COPG1: variants seen among roughly 807,000 people sequenced by gnomAD.
COPG1 encodes coat protein complex I subunit gamma 1, also known as coatomer subunit gamma-1.
Under a neutral mutation model 102.8 loss-of-function variants are expected in COPG1, and 29 were observed. The observed-to-expected ratio is 0.28, with a 90% CI of 0.21 to 0.38. The LOEUF is 0.38. Ranked by LOEUF, COPG1 falls within the 10% of genes least tolerant of loss-of-function variation. The pLI is 1.00. For missense variants in COPG1, 875 were observed against 1,132.7 expected (o/e 0.77, Z 3.27); for synonymous variants, 406 against 421.6 (o/e 0.96, Z 0.45).
intron 2 of COPG1, among the ~76,000 whole-genome samples, chr3:129,251,487 A>G (rs1350224317): frequency 6.6e-6 from 1 of 150,954 alleles, no homozygotes; most frequent in Non-Finnish European, 1.5e-5. Flanking sequence ...GGTTCAAGCA[A>G]TTTTTCTGTC....
chr3:129,253,017 T>C, intron 5 of COPG1, 62 bp downstream of exon 5: 1 of 1,432,808 alleles, frequency 7.0e-7, no homozygotes, highest in Non-Finnish European at 9.8e-7. Context: ...ATTTTTTTCT[T>C]GTGTGTACCA....
In COPG1 at chr3:129,271,069, A is replaced by G. The variant is rs1576969521; in HGVS notation, c.1844-698A>G. ...GCCATAGAATAGGTACAAGAGTGGC[A>G]GCTGTAGCCATTATAGGTGGACACC... On this transcript the variant is annotated intron_variant, in intron 18 of 23. Coordinates refer to ENST00000314797, the MANE Select transcript of COPG1 (RefSeq NM_016128.4). This position sits in a 1 kb window ranked among gnomAD's most constrained non-coding sequence, Gnocchi z 4.7. 6.6e-6 allele frequency among the ~76,000 whole-genome samples: 1 copy of G among 152,226 alleles called. No individual in the cohort carries two copies. The highest frequency in any genetic ancestry group is 1.5e-5 in the Non-Finnish European group (1 of 68,032).
At chr3:129,249,980 C>CG (rs1295306325) in intron 1 of COPG1, among the ~76,000 whole-genome samples, 3 of 149,068 alleles carry the variant, frequency 2.0e-5, no homozygotes, top group South Asian at 2.1e-4. Flanking sequence ...AACACCCCCC[C>CG]CCCCAGGCCT....
rs115925011 is a variant in COPG1 at position 129,266,932 on chromosome 3, T to A, written c.1469-92T>A. 3.9e-3 allele frequency: 4,267 copies of A among 1,107,144 alleles called. 113 individuals carry two copies. In the African/African-American group the frequency reaches 0.057, roughly 15 times the overall value. 68.6% of individuals were successfully genotyped at this position (1,107,144 alleles called of 1,614,324 possible). On this transcript the variant is annotated intron_variant, in intron 14 of 23. Coordinates refer to ENST00000314797, the MANE Select transcript of COPG1 (RefSeq NM_016128.4). ...TGAGACTTCTTGCCTCTGGGGCTCT[T>A]CTGCCTGAAGACCCATTCTGAGTGC...
intron 17 of COPG1, 114 bp downstream of exon 17, chr3:129,268,734 G>C (rs1167303225): frequency 7.6e-7 from 1 of 1,323,676 alleles, no homozygotes; most frequent in Non-Finnish European, 1.1e-6. Context: ...GCTGGGAGGA[G>C]GAAATGATCT....
Position 129,272,249 on chromosome 3 carries a change from C to G in COPG1, c.1992C>G (p.Asp664Glu), listed in dbSNP as rs1425127502. The G allele has an allele frequency of 6.2e-7, 1 of 1,613,718 alleles. No individual in the cohort carries two copies. The highest frequency in any genetic ancestry group is 1.1e-5 in the South Asian group (1 of 91,068). The change falls in exon 20 of 24, where the codon GAC becomes GAG. Residue 664 changes from aspartate (D) to glutamate (E), a missense_variant. Asp to Glu is a conservative substitution (Grantham distance 45). Transcript: ENST00000314797. ...TFTNHMVFQF[D>E]CTNTLNDQTL... ...CCCCTCTCTTTCCTGTTCAGTTTGA[C>G]TGCACAAACACACTCAATGACCAGA...
rs1939780949 is a variant in COPG1 at position 129,255,146 on chromosome 3, T to A, written c.492+69T>A. 5 of 965,750 alleles carry A rather than the reference T, an allele frequency of 5.2e-6. No individual in the cohort carries two copies. The East Asian group carries it at 7.2e-5, about 14-fold the overall frequency. 59.8% of individuals were successfully genotyped at this position (965,750 alleles called of 1,614,324 possible). On this transcript the variant is annotated intron_variant, in intron 7 of 23. Transcript: ENST00000314797. ...ATTGAAGAAAATTTAAGAGTCACAT[T>A]CCAGTAGGAAAAAAGAAAGTGTTTC... is the stretch of plus-strand genomic sequence containing the variant.
chr3:129,274,984 C>A lies in COPG1; in HGVS notation c.2395+8C>A. 6.2e-7 allele frequency: 1 copy of A among 1,613,810 alleles called. No homozygotes were observed. On this transcript the variant is annotated splice_region_variant and intron_variant, in intron 22 of 23. Transcript: ENST00000314797. ...CCATCAAGACACTTGAAGGTAAAAT[C>A]CTGGGAATGCCATCTCTGGCCTAAT...
chr3:129,268,696 T>A, intron 17 of COPG1, 76 bp downstream of exon 17: 2 of 1,524,246 alleles, frequency 1.3e-6, no homozygotes, highest in Non-Finnish European at 1.8e-6. Flanking sequence ...GCAAAGCCAC[T>A]AACCTAACTA....
At chr3:129,256,345 G>A (rs552083059) in intron 8 of COPG1, among the ~76,000 whole-genome samples, 191 bp downstream of exon 8, 10 of 152,334 alleles carry the variant, frequency 6.6e-5, no homozygotes, top group African/African-American at 2.2e-4. Context: ...CACTTGGGGC[G>A]CTTGGGTTAC....
chr3:129,249,783 C>A, intron 1 of COPG1, 37 bp downstream of exon 1: 1 of 1,529,116 alleles, frequency 6.5e-7, no homozygotes, highest in Non-Finnish European at 8.8e-7. Flanking sequence ...GGAGGCCGGA[C>A]CCCCACCCGC....
chr3:129,266,984 A>G (rs1480851480), intron 14 of COPG1, 40 bp from the exon 15 acceptor site: 2 of 1,569,822 alleles, frequency 1.3e-6, no homozygotes, highest in Non-Finnish European at 1.8e-6. Flanking sequence ...GTGAGTTGTC[A>G]GGGTGCATTG....
Position 129,271,254 on chromosome 3 carries a change from C to G in COPG1, c.1844-513C>G, listed in dbSNP as rs953123193. On this transcript the variant is annotated intron_variant, in intron 18 of 23. Coordinates refer to ENST00000314797, the MANE Select transcript of COPG1 (RefSeq NM_016128.4). The surrounding 1 kb of genome is among the most constrained non-coding windows in gnomAD (Gnocchi z 4.7). ...AGGGATAGGTCTTACCAGACACAAA[C>G]AATTCTAAGTTAGGTTTTCTGCAAC... Among the ~76,000 whole-genome samples, 3 of 152,162 alleles carry G rather than the reference C, an allele frequency of 2.0e-5. No individual in the cohort carries two copies. The highest frequency in any genetic ancestry group is 4.4e-5 in the Non-Finnish European group (3 of 68,012).
Position 129,252,616 on chromosome 3 carries a change from A to G in COPG1, c.172-7A>G. On this transcript the variant is annotated splice_region_variant and splice_polypyrimidine_tract_variant and intron_variant, in intron 3 of 23. Transcript: ENST00000314797. ...CCAAGCTGAGACTTCTTTCTTGATT[A>G]ACACAGGGGGAGCACCTGGGGACCA... The G allele has an allele frequency of 6.2e-7, 1 of 1,612,956 alleles. No homozygotes were observed. Among genetic ancestry groups the G allele is most frequent in the Non-Finnish European group, 8.5e-7 (1 of 1,178,938 alleles).
chr3:129,261,215 G>A (rs776655432), intron 12 of COPG1, among the ~76,000 whole-genome samples: 5 of 152,190 alleles, frequency 3.3e-5, no homozygotes, highest in South Asian at 2.1e-4. Flanking sequence ...AGGAGTAGAC[G>A]AGATCATCTC....
At chr3:129,252,771 C>T in intron 4 of COPG1, 77 bp downstream of exon 4, 1 of 1,550,280 alleles carries the variant, frequency 6.5e-7, no homozygotes, top group Non-Finnish European at 8.9e-7. Context: ...AGAGCTGGCC[C>T]CACCAGTCAG....
chr3:129,249,751 G>C lies in COPG1; in HGVS notation c.37+5G>C. The C allele has an allele frequency of 6.4e-7, 1 of 1,551,414 alleles. No individual in the cohort carries two copies. The highest frequency in any genetic ancestry group is 8.7e-7 in the Non-Finnish European group (1 of 1,146,882). On this transcript the variant is annotated splice_donor_5th_base_variant and intron_variant, in intron 1 of 23. Transcript: ENST00000314797. Reference sequence around the variant, plus strand: ...ACAAGAAGGATGAGGAGTCAGGTGAGGGGGCCAGGCCTGGGTCTGAGGGAG... The same window carrying C: ...ACAAGAAGGATGAGGAGTCAGGTGACGGGGCCAGGCCTGGGTCTGAGGGAG...
In COPG1 at chr3:129,277,544, A is replaced by T. The variant is rs868717018; in HGVS notation, c.*120A>T. ...CTGTATTGAAAAACAATTAGGAATC[A>T]TTGCAGATTTTTTTTTATTCTGCTC... On this transcript the variant is annotated 3_prime_UTR_variant, in exon 24 of 24. Transcript: ENST00000314797. 2 of 1,083,904 alleles carry T rather than the reference A, an allele frequency of 1.8e-6. No individual in the cohort carries two copies. Among genetic ancestry groups the T allele is most frequent in the Non-Finnish European group, 1.3e-6 (1 of 780,070 alleles). The allele number at this position is 1,083,904 out of a possible 1,614,324, so 67.1% of individuals were successfully genotyped here.
intron 12 of COPG1, among the ~76,000 whole-genome samples, chr3:129,263,035 AG>A (rs1356871204): frequency 0.012 from 1,463 of 124,244 alleles, 66 homozygotes; most frequent in African/African-American, 0.057. Flanking sequence ...AAAAAAAAAA[AG>A]AGTCCTTCTG....
Sources: gnomAD v4.1 joint callset for allele counts (sites outside exome capture counted in the v4.1 genomes callset) on GRCh38, gnomAD v4.1.1 for gene constraint, Gnocchi (gnomAD v3.1) non-coding constraint, MANE v1.5 for transcripts, NCBI Gene and HGNC (gene_info 2026-07-23, HGNC 2026-07-21) for gene names.